The following GRM7 variants were observed in gnomAD, a reference collection of about 807,000 sequenced individuals.
The protein encoded by GRM7 is metabotropic glutamate receptor 7.
Under a neutral mutation model 84.5 loss-of-function variants are expected in GRM7, and 35 were observed. The ratio of observed to expected loss-of-function variants is 0.41; its 90% CI spans 0.32 to 0.55. GRM7 has a LOEUF of 0.55. GRM7 is among the 20% of genes least tolerant of loss of function. GRM7 has a pLI of 0.19. For synonymous variants in GRM7, 487 were observed against 455.1 expected (o/e 1.07, Z -0.89); for missense variants, 1,003 against 1,194.6 (o/e 0.84, Z 2.36).
chr3:7,489,246 T>A (rs918913437), intron 7 of GRM7, among the ~76,000 whole-genome samples: 6 of 152,232 alleles, frequency 3.9e-5, no homozygotes, highest in African/African-American at 7.2e-5. Flanking sequence ...TTTTTCATTT[T>A]AAAAATTTTT....
intron 7 of GRM7, among the ~76,000 whole-genome samples, chr3:7,506,137 T>C (rs570810734): frequency 1.3e-5 from 2 of 152,304 alleles, no homozygotes; most frequent in Non-Finnish European, 2.9e-5. Flanking sequence ...TTATCACTCT[T>C]AAATTCTGCC....
intron 2 of GRM7, among the ~76,000 whole-genome samples, chr3:7,157,047 T>C (rs189488629): frequency 1.3e-5 from 2 of 151,892 alleles, no homozygotes; most frequent in Admixed American, 6.6e-5. Context: ...TTGGACTGGA[T>C]GGGAAAAGAG....
At chr3:7,525,117 G>A (rs1345314725) in intron 7 of GRM7, among the ~76,000 whole-genome samples, 2 of 151,082 alleles carry the variant, frequency 1.3e-5, no homozygotes, top group East Asian at 2.0e-4. Context: ...GACTGTTGAG[G>A]GGTGGGGGTA....
At chr3:7,284,285 C>CATGT in intron 2 of GRM7, among the ~76,000 whole-genome samples, 2 of 131,134 alleles carry the variant, frequency 1.5e-5, no homozygotes, top group African/African-American at 2.6e-5. Flanking sequence ...CATGCTCACT[C>CATGT]GTGTGTGTGT....
chr3:6,883,924 G>A (rs1695600039), intron 1 of GRM7, among the ~76,000 whole-genome samples: 1 of 152,218 alleles, frequency 6.6e-6, no homozygotes, highest in South Asian at 2.1e-4. Flanking sequence ...GTACTGTGCA[G>A]GGCAGAGATC....
Position 7,486,755 on chromosome 3 carries a change from C to A in GRM7, c.1515+25033C>A, listed in dbSNP as rs1699337914. Among the ~76,000 whole-genome samples, 1 of 152,172 alleles carries A rather than the reference C, an allele frequency of 6.6e-6. No individual in the cohort carries two copies. Among genetic ancestry groups the A allele is most frequent in the Non-Finnish European group, 1.5e-5 (1 of 68,036 alleles). On this transcript the variant is annotated intron_variant, in intron 7 of 9. Coordinates refer to ENST00000357716, the MANE Select transcript of GRM7 (RefSeq NM_000844.4). This position sits in a 1 kb window ranked among gnomAD's most constrained non-coding sequence, Gnocchi z 5.5. ...AATAATTTATGCAGCCTCAGGTATT[C>A]TACTACAGCAACACCAAAGAAACTA...
chr3:7,192,739 C>G (rs17235081), intron 2 of GRM7, among the ~76,000 whole-genome samples: 3,397 of 152,110 alleles, frequency 0.022, 54 homozygotes, highest in Middle Eastern at 0.041. Context: ...TCTTTTATTT[C>G]TCACCTTTTC....
At chr3:7,564,657 A>G (rs558759223) in intron 7 of GRM7, among the ~76,000 whole-genome samples, 1 of 152,150 alleles carries the variant, frequency 6.6e-6, no homozygotes, top group Admixed American at 6.5e-5. Context: ...ATATATATAT[A>G]TTTTTAAATT....
chr3:7,200,777 T>C (rs1696038866), intron 2 of GRM7, among the ~76,000 whole-genome samples: 1 of 152,152 alleles, frequency 6.6e-6, no homozygotes, highest in Non-Finnish European at 1.5e-5. Context: ...TAAATGCACA[T>C]AGAAATGCAT....
chr3:7,059,008 G>A (rs1183106022), intron 1 of GRM7, among the ~76,000 whole-genome samples: 3 of 151,798 alleles, frequency 2.0e-5, no homozygotes, highest in Non-Finnish European at 4.4e-5. Flanking sequence ...TGGGAGCTAA[G>A]AACATAAAGT....
In GRM7 at chr3:7,291,489, GCT is replaced by G. The variant is rs71063301; in HGVS notation, c.737-7131_737-7130del. On this transcript the variant is annotated intron_variant, in intron 2 of 9. Coordinates refer to ENST00000357716, the MANE Select transcript of GRM7 (RefSeq NM_000844.4). ...CAGGGTTAGAGGAAAAGTCATGCCA[GCT>G]CTCTCTCTCTCTCTCTCTCTCTCTC... Among the ~76,000 whole-genome samples the G allele has an allele frequency of 2.4e-3, 257 of 109,344 alleles. 1 individual carries two copies. Among genetic ancestry groups the G allele is most frequent in the Middle Eastern group, 5.3e-3 (1 of 188 alleles). 71.7% of individuals were successfully genotyped at this position (109,344 alleles called of 152,430 possible). A position where few individuals can be genotyped will look rare whatever the true frequency, so the allele number is the denominator to read the frequency against.
At chr3:7,457,881 G>A (rs564919559) in intron 6 of GRM7, among the ~76,000 whole-genome samples, 29 of 152,206 alleles carry the variant, frequency 1.9e-4, no homozygotes, top group Middle Eastern at 6.8e-3. Context: ...TGAGAGCCTC[G>A]AATTGCCCCA....
chr3:6,914,047 T>A (rs9311966), intron 1 of GRM7, among the ~76,000 whole-genome samples: 4 of 152,016 alleles, frequency 2.6e-5, no homozygotes, highest in Admixed American at 1.3e-4. Context: ...TAATTACCTG[T>A]GGTACGAATT....
intron 4 of GRM7, among the ~76,000 whole-genome samples, chr3:7,336,535 C>T (rs567593431): frequency 1.8e-4 from 28 of 152,002 alleles, no homozygotes; most frequent in African/African-American, 6.5e-4. Flanking sequence ...ACTGGAAGTC[C>T]TCACCAGAGC....
intron 7 of GRM7, among the ~76,000 whole-genome samples, chr3:7,512,445 A>G (rs1196711434): frequency 1.3e-5 from 2 of 152,218 alleles, no homozygotes; most frequent in Admixed American, 1.3e-4. Context: ...CACAGTGGGT[A>G]AAGAGAATGA....
At chr3:7,269,185 G>A (rs1698761438) in intron 2 of GRM7, among the ~76,000 whole-genome samples, 1 of 152,146 alleles carries the variant, frequency 6.6e-6, no homozygotes, top group Non-Finnish European at 1.5e-5. Context: ...TCATTATCTG[G>A]TGGGAATCCA....
intron 7 of GRM7, among the ~76,000 whole-genome samples, chr3:7,553,050 G>C (rs1218165917): frequency 6.6e-6 from 1 of 152,138 alleles, no homozygotes; most frequent in African/African-American, 2.4e-5. Flanking sequence ...AGAACCAAAT[G>C]CTTTGAAGCG....
At chr3:7,520,327 T>G (rs1700548265) in intron 7 of GRM7, 1 of 152,290 alleles carries the variant, frequency 6.6e-6, no homozygotes, top group South Asian at 2.1e-4. Flanking sequence ...AAGTTCTTAT[T>G]GAATTAATAG....
chr3:6,876,191 C>G (rs891712740), intron 1 of GRM7, among the ~76,000 whole-genome samples: 4 of 151,994 alleles, frequency 2.6e-5, no homozygotes, highest in African/African-American at 7.3e-5. Context: ...TCGCTTGAAC[C>G]CGGGAGGCAG....
Sources: allele counts gnomAD v4.1 joint callset (sites outside exome capture counted in the v4.1 genomes callset), GRCh38; gene constraint gnomAD v4.1.1; non-coding constraint Gnocchi (gnomAD v3.1); transcripts MANE v1.5; gene names NCBI Gene and HGNC (gene_info 2026-07-23, HGNC 2026-07-21).